The following MAP7D3 variants were observed in gnomAD, a reference collection of about 807,000 sequenced individuals.
MAP7D3 encodes MAP7 domain containing 3.
A neutral mutation model predicts 62.2 loss-of-function variants in MAP7D3; 45 were observed. The observed-to-expected ratio is 0.72, with a 90% confidence interval of 0.57 to 0.93. MAP7D3 has a LOEUF of 0.93. MAP7D3 is among the 40% of genes least tolerant of loss of function. MAP7D3 has a pLI of 0.00. For missense variants in MAP7D3, 711 were observed against 683.1 expected, an observed-to-expected ratio of 1.04 and a Z score of -0.45; for synonymous variants, 288 against 248.8, an observed-to-expected ratio of 1.16 and a Z score of -1.48.
At chrX:136,230,321 C>A in intron 10 of MAP7D3, 64 bp downstream of exon 10, 1 of 666,749 alleles carries the variant, frequency 1.5e-6, no homozygotes, top group Non-Finnish European at 2.3e-6. Flanking sequence ...TGAAGTGAAC[C>A]TTTCCCAGAA....
In MAP7D3 at chrX:136,240,431, G is replaced by T; in HGVS notation, c.591C>A (p.Ile197=). The change falls in exon 6 of 19, where the codon ATC becomes ATA. Residue 197 remains isoleucine (I), a synonymous_variant. Transcript: ENST00000316077. The part of the protein sequence containing the change: ...EKLEQGTSAL[I]RQMPLSSAGL... ...CTGCAGATGACAAAGGCATTTGTCT[G>T]ATTAAAGCAGAAGTACCCTGTTCAA... 8.3e-7 allele frequency: 1 copy of T among 1,207,528 alleles called. No individual in the cohort carries two copies. Among genetic ancestry groups the T allele is most frequent in the Non-Finnish European group, 1.1e-6 (1 of 891,902 alleles).
rs370296802 is a variant in MAP7D3 at position 136,227,524 on chromosome X, T to C, written c.1887-93A>G. The stretch of plus-strand genomic sequence containing the variant: ...TTTTTATAGTGAAACTTCCTGTGTA[T>C]AGTAATATAATTTATATCCACACCA... On this transcript the variant is annotated intron_variant, in intron 11 of 18. Coordinates refer to ENST00000316077, the MANE Select transcript of MAP7D3 (RefSeq NM_024597.4). 1.4e-5 allele frequency: 8 copies of C among 574,117 alleles called. No homozygotes were observed. The South Asian group carries it at 1.7e-4, about 12-fold the overall frequency. The allele number at this position is 574,117 out of a possible 1,213,427, so 47.3% of individuals were successfully genotyped here. A position where few individuals can be genotyped will look rare whatever the true frequency, so the allele number is the denominator to read the frequency against.
upstream of MAP7D3, chrX:136,255,929 A>G (rs2074549186): frequency 3.9e-6 from 1 of 259,736 alleles, no homozygotes; most frequent in Admixed American, 9.3e-5. Context: ...CTATTAAAAG[A>G]TGAAGTTTTT....
intron 14 of MAP7D3, among the ~76,000 whole-genome samples, 198 bp downstream of exon 14, chrX:136,224,629 T>TA (rs1029671397): frequency 1.2e-4 from 13 of 108,572 alleles, no homozygotes; most frequent in African/African-American, 3.4e-4. Flanking sequence ...GGGCAAAAGA[T>TA]AAAAAAAAAC....
At chrX:136,250,800 T>C (rs1310285806) in intron 1 of MAP7D3, among the ~76,000 whole-genome samples, 5 of 111,707 alleles carry the variant, frequency 4.5e-5, no homozygotes, top group African/African-American at 6.5e-5. Context: ...TTTCCGTGCC[T>C]GGAAAGGCTG....
Position 136,231,729 on chromosome X carries a change from G to A in MAP7D3, c.1228C>T (p.Pro410Ser), listed in dbSNP as rs750404312. The A allele has an allele frequency of 8.3e-7, 1 of 1,210,571 alleles. No homozygotes were observed. The highest frequency in any genetic ancestry group is 2.2e-5 in the Admixed American group (1 of 46,013). Residue 410 changes from proline (P) to serine (S), a missense_variant, in exon 8 of 19, where the codon CCA (proline) becomes TCA (serine). Transcript: ENST00000316077. ...GGAGGTGCTTCCAGGCTCCCCTCTGGGGCTGCTTCCACGCTCACCTCTGGC... is the reference window on the plus strand; with the variant it reads ...GGAGGTGCTTCCAGGCTCCCCTCTGAGGCTGCTTCCACGCTCACCTCTGGC... ...ALPEVSVEAA[P>S]EGSLEAPPKG...
intron 9 of MAP7D3, 56 bp from the exon 10 acceptor site, chrX:136,230,649 A>C: frequency 1.1e-6 from 1 of 925,354 alleles, no homozygotes. Context: ...ATTTCATAAA[A>C]TATAAGATGC....
Position 136,220,750 on chromosome X carries a change from G to A in MAP7D3, c.2486+15C>T. ...CCTGCCAAGTTTATTTAGATAAGCT[G>A]GCTAAGTGACTCACCTTGAAACTAC... On this transcript the variant is annotated intron_variant, in intron 16 of 18. Transcript: ENST00000316077. 8.5e-7 allele frequency: 1 copy of A among 1,181,018 alleles called. No homozygotes were observed. Among genetic ancestry groups the A allele is most frequent in the Admixed American group, 2.2e-5 (1 of 45,905 alleles).
chrX:136,233,277 A>ATT (rs5903913), intron 7 of MAP7D3, among the ~76,000 whole-genome samples: 136 of 98,956 alleles, frequency 1.4e-3, no homozygotes, highest in Admixed American at 4.2e-3. Flanking sequence ...TAAACGATTA[A>ATT]TTTTTTTTTT....
chrX:136,230,382 T>C lies in MAP7D3; in HGVS notation c.1750+3A>G, dbSNP rs1603279151. 8.9e-7 allele frequency: 1 copy of C among 1,121,245 alleles called. No homozygotes were observed. Among genetic ancestry groups the C allele is most frequent in the Admixed American group, 2.3e-5 (1 of 44,375 alleles). The allele number at this position is 1,121,245 out of a possible 1,213,427, so 92.4% of individuals were successfully genotyped here. ...AGATAAACTTCTTAGTGAAAGAACT[T>C]ACCTTCATAGATCATATGCCTTTGG... is the stretch of plus-strand genomic sequence containing the variant. On this transcript the variant is annotated splice_donor_region_variant and intron_variant, in intron 10 of 18. Transcript: ENST00000316077.
chrX:136,255,183 T>G (rs1254047384), upstream of MAP7D3, among the ~76,000 whole-genome samples: 1 of 112,052 alleles, frequency 8.9e-6, no homozygotes, highest in Non-Finnish European at 1.9e-5. Context: ...GCTATTGCAC[T>G]CCAGCCTGGG....
At position 136,231,467 on chromosome X, in the gene MAP7D3, T is replaced by G. The variant is rs1320809811; in HGVS notation, c.1413+77A>C. 14 of 821,669 alleles carry G rather than the reference T, an allele frequency of 1.7e-5. No individual in the cohort carries two copies. In the East Asian group the frequency reaches 4.4e-4, roughly 26 times the overall value. 67.7% of individuals were successfully genotyped at this position (821,669 alleles called of 1,213,427 possible). A position where few individuals can be genotyped will look rare whatever the true frequency, so the allele number is the denominator to read the frequency against. On this transcript the variant is annotated intron_variant, in intron 8 of 18. Coordinates refer to ENST00000316077, the MANE Select transcript of MAP7D3 (RefSeq NM_024597.4). ...ATAATATGCTGGTTATGTTGTAAAA[T>G]CTGACCTATCGTGAACTATACAACA...
At chrX:136,213,279 G>T (rs2074042243), downstream of MAP7D3, 2 of 111,475 alleles carry the variant, frequency 1.8e-5, no homozygotes. Context: ...CACCCCTAAG[G>T]CTCAGGAGAA....
intron 6 of MAP7D3, among the ~76,000 whole-genome samples, chrX:136,236,618 T>C (rs1312562644): frequency 9.0e-6 from 1 of 111,688 alleles, no homozygotes; most frequent in Non-Finnish European, 1.9e-5. Context: ...CCTTTAGACA[T>C]GATGCCTAAT....
chrX:136,251,168 G>T (rs1028124274), intron 1 of MAP7D3, 121 bp downstream of exon 1: 4 of 546,339 alleles, frequency 7.3e-6, no homozygotes, highest in Non-Finnish European at 1.1e-5. Context: ...CAGATAGCAC[G>T]AGGCGACTCC....
chrX:136,235,826 G>C (rs1319591348), intron 7 of MAP7D3, among the ~76,000 whole-genome samples: 1 of 112,551 alleles, frequency 8.9e-6, no homozygotes, highest in Non-Finnish European at 1.9e-5. Flanking sequence ...GAAATTCTGT[G>C]AATAATCAGC....
At chrX:136,232,301 AG>A (rs2074281575) in intron 7 of MAP7D3, 81 bp from the exon 8 acceptor site, 1 of 643,160 alleles carries the variant, frequency 1.6e-6, no homozygotes, top group South Asian at 2.7e-5. Flanking sequence ...GTATAAGAAC[AG>A]GAACACAGAA....
Position 136,231,875 on chromosome X carries a change from G to A in MAP7D3, c.1082C>T (p.Ser361Phe), listed in dbSNP as rs1215996297. 1.7e-6 allele frequency: 2 copies of A among 1,209,309 alleles called. No individual in the cohort carries two copies. Among genetic ancestry groups the A allele is most frequent in the African/African-American group, 1.8e-5 (1 of 56,941 alleles). The change falls in exon 8 of 19, where the codon TCC becomes TTC. Residue 361 changes from serine (S) to phenylalanine (F), a missense_variant. Coordinates refer to ENST00000316077, the MANE Select transcript of MAP7D3 (RefSeq NM_024597.4). ...TYDSEMSMDASPELSIEALPK... is the reference protein window; with the variant it reads ...TYDSEMSMDAFPELSIEALPK... ...GAGTGCTTCTATGCTCAACTCGGGG[G>A]ATGCGTCCATGCTCATCTCAGAATC...
chrX:136,219,307 T>C, intron 18 of MAP7D3, 91 bp downstream of exon 18: 1 of 505,797 alleles, frequency 2.0e-6, no homozygotes, highest in Non-Finnish European at 3.4e-6. Context: ...AGCTATATGG[T>C]GCAAAGACTG....
Sources: allele counts gnomAD v4.1 joint callset (sites outside exome capture counted in the v4.1 genomes callset), GRCh38; gene constraint gnomAD v4.1.1; transcripts MANE v1.5; gene names NCBI Gene and HGNC (gene_info 2026-07-23, HGNC 2026-07-21).